Variants in COL4A5 observed in about 807,000 individuals in gnomAD.
COL4A5 encodes the protein collagen type IV alpha 5 chain, also known as collagen alpha-5(IV) chain.
Under a neutral mutation model 130.2 loss-of-function variants are expected in COL4A5, and 26 were observed. The ratio of observed to expected loss-of-function variants is 0.20; its 90% CI spans 0.15 to 0.28. COL4A5 has a LOEUF of 0.28. Ranked by LOEUF, COL4A5 falls within the 10% of genes least tolerant of loss-of-function variation. COL4A5 has a pLI of 1.00. For synonymous variants in COL4A5, 496 were observed against 439.6 expected (o/e 1.13, Z -1.60); for missense variants, 1,131 against 1,344.3 (o/e 0.84, Z 2.48).
chrX:108,660,416 A>G (rs1404395634), intron 37 of COL4A5, among the ~76,000 whole-genome samples: 1 of 111,701 alleles, frequency 9.0e-6, no homozygotes, highest in African/African-American at 3.2e-5. Context: ...TTATTGTAAA[A>G]TGATTTTGCT....
chrX:108,620,835 A>G (rs1350782078), intron 31 of COL4A5, among the ~76,000 whole-genome samples: 1 of 110,890 alleles, frequency 9.0e-6, no homozygotes, highest in Admixed American at 9.6e-5. Flanking sequence ...ATGTCATCTC[A>G]TCGTCCATGG....
chrX:108,628,218 G>A (rs769786406), intron 36 of COL4A5, among the ~76,000 whole-genome samples: 1 of 110,399 alleles, frequency 9.1e-6, no homozygotes, highest in African/African-American at 3.3e-5. Flanking sequence ...AACATATTTT[G>A]CACTGAAGAT....
chrX:108,682,118 T>A (rs1482357031), intron 47 of COL4A5, among the ~76,000 whole-genome samples: 7 of 111,227 alleles, frequency 6.3e-5, no homozygotes. Flanking sequence ...CCATGTGTTC[T>A]CATTGTTCAA....
chrX:108,552,595 A>T (rs1041617494), intron 2 of COL4A5, among the ~76,000 whole-genome samples: 13 of 112,188 alleles, frequency 1.2e-4, no homozygotes, highest in South Asian at 7.4e-4. Flanking sequence ...TGCAAGTCTC[A>T]TACCCTGAAA....
intron 19 of COL4A5, among the ~76,000 whole-genome samples, chrX:108,588,621 C>T (rs972564589): frequency 9.1e-6 from 1 of 110,363 alleles, no homozygotes; most frequent in Non-Finnish European, 1.9e-5. Flanking sequence ...CTGAGAACTT[C>T]CATCTATTAA....
chrX:108,469,292 C>G (rs185529203), intron 1 of COL4A5, among the ~76,000 whole-genome samples: 3 of 107,042 alleles, frequency 2.8e-5, no homozygotes, highest in Non-Finnish European at 5.8e-5. Context: ...GCACCTGTCA[C>G]TGTGCCTGGC....
rs28403894 is a variant in COL4A5 at position 108,688,193 on chromosome X, G to A, written c.4528+499G>A. On this transcript the variant is annotated intron_variant, in intron 49 of 52. Coordinates refer to ENST00000328300, the MANE Select transcript of COL4A5 (RefSeq NM_033380.3). ...AAAATAAGTGCCTTAGCTTTATAAAGTATTGCTGGAGTCATTTAAAGCTAT... is the reference window on the plus strand; with the variant it reads ...AAAATAAGTGCCTTAGCTTTATAAAATATTGCTGGAGTCATTTAAAGCTAT... Among the ~76,000 whole-genome samples the A allele has an allele frequency of 1.6e-3, 176 of 111,846 alleles. No individual in the cohort carries two copies. The East Asian group carries it at 0.036, about 23-fold the overall frequency.
At chrX:108,646,196 A>G (rs933509339) in intron 36 of COL4A5, among the ~76,000 whole-genome samples, 1 of 111,555 alleles carries the variant, frequency 9.0e-6, no homozygotes, top group Admixed American at 9.5e-5. Flanking sequence ...AGTCCCACCT[A>G]CAGTGTAAAA....
intron 48 of COL4A5, among the ~76,000 whole-genome samples, chrX:108,686,464 G>A (rs966481317): frequency 2.7e-5 from 3 of 112,088 alleles, no homozygotes; most frequent in Non-Finnish European, 1.9e-5. Context: ...TTCCACATTT[G>A]AAAATATCGC....
chrX:108,458,007 A>G (rs997198999), intron 1 of COL4A5, among the ~76,000 whole-genome samples: 7 of 111,958 alleles, frequency 6.3e-5, no homozygotes, highest in African/African-American at 2.3e-4. Context: ...CCATGCGGAT[A>G]TGCTCTGCCA....
chrX:108,514,839 T>C lies in COL4A5; in HGVS notation c.82-24907T>C, dbSNP rs200356811. On this transcript the variant is annotated intron_variant, in intron 1 of 52. Coordinates refer to ENST00000328300, the MANE Select transcript of COL4A5 (RefSeq NM_033380.3). Reference sequence around the variant, plus strand: ...TCCAGCATATAGTAAGGTTGTTACATTGCATATTGCAGTTTGGACATTTAT... The same window carrying C: ...TCCAGCATATAGTAAGGTTGTTACACTGCATATTGCAGTTTGGACATTTAT... 9.8e-5 allele frequency among the ~76,000 whole-genome samples: 11 copies of C among 111,842 alleles called. 1 individual carries two copies. In the East Asian group the frequency reaches 3.1e-3, roughly 32 times the overall value.
rs1224646646 is a variant in COL4A5, at chrX:108,505,318, C to A, written c.82-34428C>A. Among the ~76,000 whole-genome samples the A allele has an allele frequency of 2.7e-5, 3 of 109,774 alleles. No individual in the cohort carries two copies. The East Asian group carries it at 8.6e-4, about 31-fold the overall frequency. ...TGGGTGTTGGAGTACACTAAAATCC[C>A]AGACTTTGCCACTATACAATTCATC... On this transcript the variant is annotated intron_variant, in intron 1 of 52. Coordinates refer to ENST00000328300, the MANE Select transcript of COL4A5 (RefSeq NM_033380.3).
At chrX:108,648,333 G>A (rs2147921912) in intron 36 of COL4A5, among the ~76,000 whole-genome samples, 1 of 111,226 alleles carries the variant, frequency 9.0e-6, no homozygotes, top group African/African-American at 3.3e-5. Flanking sequence ...ATTCAAAGAA[G>A]AATTGGCACC....
intron 1 of COL4A5, among the ~76,000 whole-genome samples, chrX:108,468,745 G>A: frequency 9.1e-6 from 1 of 109,678 alleles, no homozygotes; most frequent in South Asian, 3.9e-4. Flanking sequence ...TTAGCATGCT[G>A]TTGGATGTGG....
chrX:108,686,933 A>G (rs768155709), intron 48 of COL4A5, among the ~76,000 whole-genome samples: 93 of 112,152 alleles, frequency 8.3e-4, no homozygotes, highest in African/African-American at 2.7e-3. Flanking sequence ...CTTCATCACA[A>G]GTGTTTCTGT....
At position 108,687,511 on chromosome X, in the gene COL4A5, C is replaced by T. The variant is rs2068570110; in HGVS notation, c.4345C>T (p.Pro1449Ser). The change falls in exon 49 of 53, where the codon CCA (proline) becomes TCA (serine). Residue 1449 changes from proline to serine, a missense_variant. By Grantham distance (74) the Pro-to-Ser change is moderately conservative (BLOSUM62 -1). Transcript: ENST00000328300. ...CCGTGGTTTGGATGGTCCCCCTGGTCCAGATGGATTGCAAGGTCCCCCAGG... is the reference window on the plus strand; with the variant it reads ...CCGTGGTTTGGATGGTCCCCCTGGTTCAGATGGATTGCAAGGTCCCCCAGG... ...GTRGLDGPPG[P>S]DGLQGPPGPP... 1.7e-6 allele frequency: 2 copies of T among 1,209,344 alleles called. No homozygotes were observed. The highest frequency in any genetic ancestry group is 3.5e-5 in the African/African-American group (2 of 56,989).
At chrX:108,626,462 C>A in intron 36 of COL4A5, 113 bp downstream of exon 36, 1 of 1,169,863 alleles carries the variant, frequency 8.5e-7, no homozygotes, top group South Asian at 1.8e-5. Flanking sequence ...ATAGTATATT[C>A]TGGATAAGAG....
chrX:108,675,527 T>C (rs2068287196), intron 43 of COL4A5, among the ~76,000 whole-genome samples: 1 of 112,014 alleles, frequency 8.9e-6, no homozygotes, highest in Admixed American at 9.5e-5. Context: ...AAGTTCTGTT[T>C]TTTTATTCAA....
At chrX:108,473,901 G>A (rs1212980698) in intron 1 of COL4A5, among the ~76,000 whole-genome samples, 1 of 108,280 alleles carries the variant, frequency 9.2e-6, no homozygotes, top group Non-Finnish European at 1.9e-5. Context: ...CAAAGTGCTG[G>A]GATTACAGGT....
Sources: gnomAD v4.1 joint callset for allele counts (sites outside exome capture counted in the v4.1 genomes callset) on GRCh38, gnomAD v4.1.1 for gene constraint, MANE v1.5 for transcripts, NCBI Gene and HGNC (gene_info 2026-07-23, HGNC 2026-07-21) for gene names.